ZPBP: variants seen among roughly 807,000 people sequenced by gnomAD.
ZPBP encodes the protein zona pellucida binding protein.
A neutral mutation model predicts 44.8 loss-of-function variants in ZPBP; 26 were observed. The observed-to-expected ratio is 0.58, with a 90% confidence interval of 0.43 to 0.81. The LOEUF (loss-of-function observed/expected upper bound fraction) is 0.81. ZPBP is among the 30% of genes least tolerant of loss of function. ZPBP has a pLI of 0.00. For missense variants in ZPBP, 409 were observed against 434.0 expected, an observed-to-expected ratio of 0.94 and a Z score of 0.51; for synonymous variants, 174 against 153.2, an observed-to-expected ratio of 1.14 and a Z score of -1.00.
intron 1 of ZPBP, among the ~76,000 whole-genome samples, chr7:50,091,084 A>G (rs1372520050): frequency 1.3e-5 from 2 of 150,750 alleles, no homozygotes; most frequent in Non-Finnish European, 3.0e-5. Context: ...GCATTTTTTC[A>G]TATGTTTGTT....
chr7:49,924,774 C>T (rs982741932), intron 1 of ZPBP, among the ~76,000 whole-genome samples: 1 of 152,162 alleles, frequency 6.6e-6, no homozygotes, highest in Non-Finnish European at 1.5e-5. Context: ...ATACAACAAA[C>T]AACCATTAAA....
In ZPBP at chr7:50,031,369, T is replaced by C. The variant is rs1189216519; in HGVS notation, c.488-59A>G. On this transcript the variant is annotated intron_variant, in intron 4 of 7. Transcript: ENST00000046087. ...TGGTTATTTAAATAATTCAAACATATTGCAACTATTTAAGAAATATCATTA... is the reference window on the plus strand; with the variant it reads ...TGGTTATTTAAATAATTCAAACATACTGCAACTATTTAAGAAATATCATTA... 29 of 1,202,400 alleles carry C rather than the reference T, an allele frequency of 2.4e-5. 1 individual carries two copies. The highest frequency in any genetic ancestry group is 3.3e-5 in the Non-Finnish European group (28 of 841,472). 74.5% of individuals were successfully genotyped at this position (1,202,400 alleles called of 1,614,324 possible).
intron 7 of ZPBP, among the ~76,000 whole-genome samples, chr7:49,951,988 T>A (rs1795363715): frequency 6.6e-6 from 1 of 151,918 alleles, no homozygotes; most frequent in Non-Finnish European, 1.5e-5. Context: ...CATATTGTTT[T>A]ATTTTATATG....
intron 7 of ZPBP, among the ~76,000 whole-genome samples, chr7:49,953,104 G>A (rs1795416838): frequency 6.6e-6 from 1 of 152,062 alleles, no homozygotes; most frequent in African/African-American, 2.4e-5. Flanking sequence ...ATAGCTTACT[G>A]TCTTGAGTGA....
intron 1 of ZPBP, chr7:49,920,895 T>C (rs1057499677): frequency 1.3e-5 from 2 of 152,198 alleles, no homozygotes; most frequent in Non-Finnish European, 2.9e-5. Context: ...TAGACTGTTA[T>C]AGGGGAAATG....
chr7:50,072,591 G>A (rs1801900768), intron 3 of ZPBP, among the ~76,000 whole-genome samples: 1 of 152,174 alleles, frequency 6.6e-6, no homozygotes, highest in African/African-American at 2.4e-5. Flanking sequence ...CCACAGGGAT[G>A]CTATTGTCAC....
chr7:50,011,551 C>T (rs1387612983), intron 6 of ZPBP, among the ~76,000 whole-genome samples: 3 of 152,206 alleles, frequency 2.0e-5, no homozygotes, highest in Non-Finnish European at 4.4e-5. Context: ...TAAAACATTA[C>T]ACCCAACATC....
At chr7:49,980,731 G>A (rs1206847904) in intron 7 of ZPBP, among the ~76,000 whole-genome samples, 1 of 152,014 alleles carries the variant, frequency 6.6e-6, no homozygotes, top group Non-Finnish European at 1.5e-5. Flanking sequence ...TGAGAGATCT[G>A]CTCCCACGAC....
chr7:50,031,958 A>T (rs1222272286), intron 4 of ZPBP, among the ~76,000 whole-genome samples: 1 of 152,170 alleles, frequency 6.6e-6, no homozygotes, highest in Non-Finnish European at 1.5e-5. Context: ...CTTCCAAAAC[A>T]GGGCGCTCTG....
the ZPBP span, among the ~76,000 whole-genome samples, chr7:49,843,056 G>A: frequency 2.0e-5 from 3 of 151,970 alleles, no homozygotes; most frequent in Non-Finnish European, 4.4e-5. Flanking sequence ...CCCTTTCCCC[G>A]AGTCGCTGCA....
chr7:49,991,306 T>C (rs1237966578), intron 6 of ZPBP, among the ~76,000 whole-genome samples: 2 of 152,114 alleles, frequency 1.3e-5, no homozygotes, highest in African/African-American at 4.8e-5. Flanking sequence ...AAACTCAAAA[T>C]TGTCCCTCTC....
At chr7:49,960,909 C>T (rs1292896023) in intron 7 of ZPBP, among the ~76,000 whole-genome samples, 1 of 151,896 alleles carries the variant, frequency 6.6e-6, no homozygotes, top group African/African-American at 2.4e-5. Flanking sequence ...AGTTATACTG[C>T]ATAACACAAG....
At chr7:49,907,792 T>C (rs1377178032) in intron 1 of ZPBP, among the ~76,000 whole-genome samples, 1 of 152,220 alleles carries the variant, frequency 6.6e-6, no homozygotes, top group Admixed American at 6.5e-5. Flanking sequence ...GATTGACAAT[T>C]GCTTGAAAGA....
chr7:49,977,849 A>T (rs1768888740), intron 7 of ZPBP, among the ~76,000 whole-genome samples: 2 of 152,178 alleles, frequency 1.3e-5, no homozygotes, highest in Non-Finnish European at 2.9e-5. Context: ...CAACATTAAT[A>T]CTCAGATATC....
chr7:50,089,805 G>T, intron 1 of ZPBP, 96 bp from the exon 2 acceptor site: 1 of 944,200 alleles, frequency 1.1e-6, no homozygotes, highest in Non-Finnish European at 1.7e-6. Context: ...GAAGGGGAGA[G>T]CCATAATTCA....
intron 6 of ZPBP, among the ~76,000 whole-genome samples, chr7:49,990,359 A>G (rs2170652): frequency 2.0e-5 from 3 of 152,154 alleles, no homozygotes; most frequent in African/African-American, 7.2e-5. Context: ...CACCCATGGA[A>G]AGCACCCTGT....
At chr7:49,957,142 C>T (rs1170849090) in intron 7 of ZPBP, among the ~76,000 whole-genome samples, 2 of 152,178 alleles carry the variant, frequency 1.3e-5, no homozygotes, top group Admixed American at 6.6e-5. Context: ...CATAAGGTTA[C>T]ACAATGAGAA....
At position 49,978,094 on chromosome 7, in the gene ZPBP, TG is replaced by T. The variant is rs578116678; in HGVS notation, c.961+5247del. Among the ~76,000 whole-genome samples the T allele has an allele frequency of 3.6e-3, 526 of 144,510 alleles. 2 individuals carry two copies. The highest frequency in any genetic ancestry group is 0.012 in the African/African-American group (467 of 38,960). The allele number at this position is 144,510 out of a possible 152,430, so 94.8% of individuals were successfully genotyped here. A position where few individuals can be genotyped will look rare whatever the true frequency, so the allele number is the denominator to read the frequency against. ...TTTTGGTTTTTTGTTTTTTTTTTTT[TG>T]AAAAACTAGCAGAAATAACATGGGA... On this transcript the variant is annotated intron_variant, in intron 7 of 7. Coordinates refer to ENST00000046087, the MANE Select transcript of ZPBP (RefSeq NM_007009.3).
chr7:49,908,414 T>C (rs1410311473), intron 1 of ZPBP, among the ~76,000 whole-genome samples: 6 of 152,158 alleles, frequency 3.9e-5, no homozygotes, highest in Non-Finnish European at 8.8e-5. Flanking sequence ...AGACATATAA[T>C]TAAAATCTAA....
Sources: allele counts gnomAD v4.1 joint callset (sites outside exome capture counted in the v4.1 genomes callset), GRCh38; gene constraint gnomAD v4.1.1; transcripts MANE v1.5; gene names NCBI Gene and HGNC (gene_info 2026-07-23, HGNC 2026-07-21).